CPED1: variants seen among roughly 807,000 people sequenced by gnomAD.
CPED1 encodes cadherin-like and PC-esterase domain-containing protein 1.
Under a neutral mutation model 128.2 loss-of-function variants are expected in CPED1, and 114 were observed. The observed-to-expected ratio is 0.89, with a 90% CI of 0.76 to 1.04. The LOEUF (loss-of-function observed/expected upper bound fraction) is 1.04, where lower values mean the gene tolerates loss of function less well. Ranked by LOEUF, CPED1 falls within the 50% of genes least tolerant of loss-of-function variation. The pLI is 0.00. For synonymous variants in CPED1, 462 were observed against 426.7 expected, an observed-to-expected ratio of 1.08 and a Z score of -1.02; for missense variants, 1,211 against 1,207.1, an observed-to-expected ratio of 1.00 and a Z score of -0.05.
intron 12 of CPED1, among the ~76,000 whole-genome samples, chr7:121,132,119 G>T (rs1795684833): frequency 1.3e-5 from 2 of 151,856 alleles, no homozygotes; most frequent in African/African-American, 4.8e-5. Flanking sequence ...TATCTTCAAG[G>T]TTACCAGTGA....
chr7:121,297,121 A>C lies in CPED1; in HGVS notation c.*1469A>C, dbSNP rs1776299544. On this transcript the variant is annotated 3_prime_UTR_variant, in exon 23 of 23. Transcript: ENST00000310396. Reference sequence around the variant, plus strand: ...TACAAATCTGCATCTTACAGATGATAATTTTTTTAGAAGAATGATACAGAA... The same window carrying C: ...TACAAATCTGCATCTTACAGATGATCATTTTTTTAGAAGAATGATACAGAA... 2 of 152,178 alleles carry C rather than the reference A, an allele frequency of 1.3e-5. No homozygotes were observed. The highest frequency in any genetic ancestry group is 2.4e-5 in the African/African-American group (1 of 41,548). The allele number at this position is 152,178 out of a possible 1,614,324, so 9.4% of individuals were successfully genotyped here. A position where few individuals can be genotyped will look rare whatever the true frequency, so the allele number is the denominator to read the frequency against.
At chr7:121,132,938 C>T (rs1795706776) in intron 12 of CPED1, among the ~76,000 whole-genome samples, 1 of 152,050 alleles carries the variant, frequency 6.6e-6, no homozygotes, top group African/African-American at 2.4e-5. Flanking sequence ...TTTTAAATTT[C>T]CTAGCTGATG....
intron 16 of CPED1, among the ~76,000 whole-genome samples, chr7:121,197,649 G>C (rs2116551267): frequency 6.6e-6 from 1 of 152,208 alleles, no homozygotes; most frequent in South Asian, 2.1e-4. Flanking sequence ...GTGTGTGTTT[G>C]TGCATGCGCA....
chr7:120,995,059 T>A (rs945302114), intron 2 of CPED1, among the ~76,000 whole-genome samples: 1 of 152,206 alleles, frequency 6.6e-6, no homozygotes, highest in South Asian at 2.1e-4. Flanking sequence ...CCAGCGAACA[T>A]GTGTAGAACT....
At chr7:121,119,592 G>A (rs1000839889) in intron 7 of CPED1, among the ~76,000 whole-genome samples, 2 of 150,830 alleles carry the variant, frequency 1.3e-5, no homozygotes, top group East Asian at 2.0e-4. Flanking sequence ...TTGGGAGGCC[G>A]AGGCGGGCGG....
chr7:121,221,249 T>G (rs1450001935), intron 16 of CPED1, among the ~76,000 whole-genome samples: 1 of 152,186 alleles, frequency 6.6e-6, no homozygotes, highest in African/African-American at 2.4e-5. Flanking sequence ...TTACTCAGAA[T>G]GACGGTTTCC....
chr7:121,293,798 C>T (rs76483634), intron 22 of CPED1, among the ~76,000 whole-genome samples: 4 of 151,936 alleles, frequency 2.6e-5, no homozygotes, highest in South Asian at 4.2e-4. Context: ...GGTGAGGCAA[C>T]GCCTCACCCT....
chr7:120,990,276 A>C (rs1441845788), intron 2 of CPED1, among the ~76,000 whole-genome samples: 1 of 152,234 alleles, frequency 6.6e-6, no homozygotes, highest in Admixed American at 6.5e-5. Context: ...ATGAGTGCCC[A>C]GACCATTCCA....
chr7:121,216,728 A>T (rs1797767481), intron 16 of CPED1, among the ~76,000 whole-genome samples: 1 of 152,042 alleles, frequency 6.6e-6, no homozygotes, highest in African/African-American at 2.4e-5. Flanking sequence ...CAAAAAGACA[A>T]ATTATGTGCC....
At chr7:121,158,662 C>G (rs1369238330) in intron 16 of CPED1, among the ~76,000 whole-genome samples, 1 of 151,874 alleles carries the variant, frequency 6.6e-6, no homozygotes, top group Non-Finnish European at 1.5e-5. Flanking sequence ...AGATGTCCCA[C>G]TTCTTAAATA....
At chr7:121,144,290 G>A (rs1795972385) in intron 16 of CPED1, among the ~76,000 whole-genome samples, 1 of 151,994 alleles carries the variant, frequency 6.6e-6, no homozygotes, top group African/African-American at 2.4e-5. Flanking sequence ...ATCAACCTAA[G>A]TGTCCATCAA....
At chr7:121,142,392 A>T (rs188847635) in intron 16 of CPED1, among the ~76,000 whole-genome samples, 1 of 151,988 alleles carries the variant, frequency 6.6e-6, no homozygotes, top group Non-Finnish European at 1.5e-5. Flanking sequence ...TGTTCAAAAA[A>T]AATGTCTGAG....
intron 2 of CPED1, among the ~76,000 whole-genome samples, chr7:121,007,010 G>A (rs1410546641): frequency 6.6e-6 from 1 of 152,150 alleles, no homozygotes; most frequent in African/African-American, 2.4e-5. Flanking sequence ...CCAGGCACAG[G>A]AAGGCTAGAA....
At position 121,296,710 on chromosome 7, in the gene CPED1, A is replaced by G. The variant is rs535856336; in HGVS notation, c.*1058A>G. The stretch of plus-strand genomic sequence containing the variant: ...AATTAAACTGTGGCATACATATAAT[A>G]CATACCTAATTATAGTAGTGAGAAC... On this transcript the variant is annotated 3_prime_UTR_variant, in exon 23 of 23. Coordinates refer to ENST00000310396, the MANE Select transcript of CPED1 (RefSeq NM_024913.5). The G allele has an allele frequency of 6.6e-6, 1 of 152,172 alleles. No homozygotes were observed. Among genetic ancestry groups the G allele is most frequent in the Non-Finnish European group, 1.5e-5 (1 of 67,962 alleles). 9.4% of individuals were successfully genotyped at this position (152,172 alleles called of 1,614,324 possible). A position where few individuals can be genotyped will look rare whatever the true frequency, so the allele number is the denominator to read the frequency against.
At chr7:121,153,609 G>C (rs1796208978) in intron 16 of CPED1, among the ~76,000 whole-genome samples, 2 of 152,162 alleles carry the variant, frequency 1.3e-5, no homozygotes, top group Admixed American at 1.3e-4. Context: ...CAAAGAACTT[G>C]CCAAGGTCAC....
At position 121,090,029 on chromosome 7, in the gene CPED1, C is replaced by T. The variant is rs114532557; in HGVS notation, c.617-7670C>T. On this transcript the variant is annotated intron_variant, in intron 5 of 22. Coordinates refer to ENST00000310396, the MANE Select transcript of CPED1 (RefSeq NM_024913.5). Reference sequence around the variant, plus strand: ...GTAGTCTAGATACAGCTTTTATAACCGACAAGAATGAGCAGAACTCAAGGT... The same window carrying T: ...GTAGTCTAGATACAGCTTTTATAACTGACAAGAATGAGCAGAACTCAAGGT... 3.7e-3 allele frequency among the ~76,000 whole-genome samples: 557 copies of T among 152,194 alleles called. 3 individuals carry two copies. Among genetic ancestry groups the T allele is most frequent in the African/African-American group, 0.013 (524 of 41,508 alleles).
intron 9 of CPED1, 61 bp downstream of exon 9, chr7:121,125,953 T>C (rs750012006): frequency 2.2e-5 from 25 of 1,124,228 alleles, no homozygotes; most frequent in Non-Finnish European, 2.9e-5. Context: ...AGTGTGTGTG[T>C]GTTGTTGTTG....
intron 17 of CPED1, among the ~76,000 whole-genome samples, chr7:121,243,006 A>G (rs577186217): frequency 2.0e-4 from 30 of 152,286 alleles, no homozygotes; most frequent in African/African-American, 6.7e-4. Flanking sequence ...CACTATATTC[A>G]TCTCCTAAAA....
At chr7:121,217,296 C>T (rs994517205) in intron 16 of CPED1, among the ~76,000 whole-genome samples, 1 of 151,834 alleles carries the variant, frequency 6.6e-6, no homozygotes, top group East Asian at 1.9e-4. Context: ...GTCAAGCAGT[C>T]AAAGGCTTTT....
Sources: gnomAD v4.1 joint callset for allele counts (sites outside exome capture counted in the v4.1 genomes callset) on GRCh38, gnomAD v4.1.1 for gene constraint, MANE v1.5 for transcripts, NCBI Gene and HGNC (gene_info 2026-07-23, HGNC 2026-07-21) for gene names.